Variants in HSF2 observed in about 807,000 individuals in gnomAD.
The protein encoded by HSF2 is heat shock factor protein 2.
Under a neutral mutation model 65.0 loss-of-function variants are expected in HSF2, and 21 were observed. That is an observed-to-expected ratio of 0.32 (90% CI 0.23 to 0.47). The LOEUF (loss-of-function observed/expected upper bound fraction) is 0.47, where lower values mean the gene tolerates loss of function less well. Among genes scored for constraint, HSF2 ranks in the 20% least tolerant of loss-of-function variants. The pLI is 1.00. For synonymous variants in HSF2, 225 were observed against 219.1 expected (o/e 1.03, Z -0.24); for missense variants, 499 against 628.1 (o/e 0.79, Z 2.20).
At chr6:122,429,897 G>A (rs1774424080) in intron 11 of HSF2, among the ~76,000 whole-genome samples, 1 of 152,148 alleles carries the variant, frequency 6.6e-6, no homozygotes, top group South Asian at 2.1e-4. Context: ...ATGTGCTGCT[G>A]GATTCAGTTT....
At chr6:122,411,248 T>C (rs557231064) in intron 1 of HSF2, among the ~76,000 whole-genome samples, 1 of 152,050 alleles carries the variant, frequency 6.6e-6, no homozygotes, top group African/African-American at 2.4e-5. Context: ...GAAGTTTGTA[T>C]ATCTTCTTTG....
At chr6:122,417,835 A>G (rs1026043343) in intron 5 of HSF2, among the ~76,000 whole-genome samples, 1 of 152,200 alleles carries the variant, frequency 6.6e-6, no homozygotes, top group Admixed American at 6.5e-5. Context: ...ACTGAAGTCG[A>G]ATTGTATCAT....
At chr6:122,425,058 A>T (rs1324629260) in intron 10 of HSF2, among the ~76,000 whole-genome samples, 2 of 151,814 alleles carry the variant, frequency 1.3e-5, no homozygotes, top group Non-Finnish European at 2.9e-5. Flanking sequence ...GTGTACCCCT[A>T]TCCTTTGCCT....
At chr6:122,400,434 C>T (rs982534415) in intron 1 of HSF2, among the ~76,000 whole-genome samples, 1 of 152,138 alleles carries the variant, frequency 6.6e-6, no homozygotes, top group Non-Finnish European at 1.5e-5. Flanking sequence ...ACAAATTATT[C>T]TTTTGAGATT....
At position 122,422,973 on chromosome 6, in the gene HSF2, G is replaced by T. The variant is rs1431924103; in HGVS notation, c.1070+16G>T. 2 of 1,612,028 alleles carry T rather than the reference G, an allele frequency of 1.2e-6. No individual in the cohort carries two copies. ...TTTTGGGAAAGTGAGTGCTTATCTA[G>T]ATGTTGTCTAAAATTATTTGCTTTC... On this transcript the variant is annotated intron_variant, in intron 9 of 12. Transcript: ENST00000368455.
In HSF2 at chr6:122,421,950, A is replaced by C. The variant is rs183358883; in HGVS notation, c.682-200A>C. ...AAAGAAGTAGTAAAGTGTAGAATGC[A>C]GTTAATATACCTCATACCTCTGTGA... On this transcript the variant is annotated intron_variant, in intron 7 of 12. Coordinates refer to ENST00000368455, the MANE Select transcript of HSF2 (RefSeq NM_004506.4). Among the ~76,000 whole-genome samples the C allele has an allele frequency of 8.5e-5, 13 of 152,250 alleles. No homozygotes were observed. The East Asian group carries it at 9.7e-4, about 11-fold the overall frequency.
At chr6:122,417,514 G>A (rs1174146147) in intron 5 of HSF2, among the ~76,000 whole-genome samples, 1 of 152,088 alleles carries the variant, frequency 6.6e-6, no homozygotes, top group Non-Finnish European at 1.5e-5. Flanking sequence ...GCTTTGGTGA[G>A]TGGTGTTTAT....
intron 2 of HSF2, 21 bp downstream of exon 2, chr6:122,412,502 A>G: frequency 1.3e-6 from 2 of 1,548,160 alleles, no homozygotes; most frequent in Non-Finnish European, 1.8e-6. Flanking sequence ...ACAGCAGTTT[A>G]TTGGAGTACC....
In HSF2 at chr6:122,428,735, C is replaced by T. The variant is rs888769767; in HGVS notation, c.1230+779C>T. ...TTTTTCTTTATAGTCCAAAAATGAG[C>T]ACATCTCAAATAAATATAAGTGATT... On this transcript the variant is annotated intron_variant, in intron 11 of 12. Transcript: ENST00000368455. Among the ~76,000 whole-genome samples the T allele has an allele frequency of 3.9e-5, 6 of 151,956 alleles. No individual in the cohort carries two copies. The East Asian group carries it at 9.7e-4, about 24-fold the overall frequency.
chr6:122,404,697 A>G (rs928672378), intron 1 of HSF2, among the ~76,000 whole-genome samples: 1 of 152,210 alleles, frequency 6.6e-6, no homozygotes, highest in Non-Finnish European at 1.5e-5. Context: ...CACCTCACTC[A>G]GTAGTAGTTT....
intron 1 of HSF2, among the ~76,000 whole-genome samples, chr6:122,411,268 C>T (rs1219826489): frequency 6.6e-6 from 1 of 151,742 alleles, no homozygotes; most frequent in African/African-American, 2.4e-5. Context: ...GAAGAAATAT[C>T]TACTCACATC....
At chr6:122,418,196 T>C (rs1411568247) in intron 5 of HSF2, among the ~76,000 whole-genome samples, 1 of 152,216 alleles carries the variant, frequency 6.6e-6, no homozygotes, top group Non-Finnish European at 1.5e-5. Flanking sequence ...CTCAGTGATA[T>C]ACTACTTTTT....
At chr6:122,415,728 C>G (rs1272700386) in intron 4 of HSF2, among the ~76,000 whole-genome samples, 1 of 151,862 alleles carries the variant, frequency 6.6e-6, no homozygotes, top group African/African-American at 2.4e-5. Context: ...AGGAATGATT[C>G]TGGTGCTGGG....
At chr6:122,413,470 T>C (rs1277669045) in intron 3 of HSF2, 55 bp from the exon 4 acceptor site, 4 of 1,355,228 alleles carry the variant, frequency 3.0e-6, no homozygotes, top group African/African-American at 1.5e-5. Context: ...AAGCTTTGAA[T>C]TACAATCATG....
intron 7 of HSF2, among the ~76,000 whole-genome samples, chr6:122,420,645 T>TTTA (rs34440341): frequency 1.3e-5 from 2 of 149,020 alleles, no homozygotes; most frequent in Admixed American, 6.7e-5. Flanking sequence ...GGCTTTTTTT[T>TTTA]AACTTGATGT....
At chr6:122,405,355 TC>T (rs1562197311) in intron 1 of HSF2, among the ~76,000 whole-genome samples, 1 of 151,896 alleles carries the variant, frequency 6.6e-6, no homozygotes, top group Non-Finnish European at 1.5e-5. Context: ...AAACTGTGTG[TC>T]GGTTAAGATG....
chr6:122,415,231 T>C (rs1401456476), intron 4 of HSF2, among the ~76,000 whole-genome samples: 1 of 152,230 alleles, frequency 6.6e-6, no homozygotes, highest in African/African-American at 2.4e-5. Flanking sequence ...TTATTGGATA[T>C]GCTTTTTCAG....
chr6:122,402,981 G>A (rs1036714010), intron 1 of HSF2, among the ~76,000 whole-genome samples: 1 of 150,992 alleles, frequency 6.6e-6, no homozygotes, highest in African/African-American at 2.4e-5. Context: ...AGAAGCAGTT[G>A]TTTTGGGAAC....
chr6:122,405,983 T>G (rs1773859834), intron 1 of HSF2, among the ~76,000 whole-genome samples: 1 of 152,094 alleles, frequency 6.6e-6, no homozygotes, highest in African/African-American at 2.4e-5. Flanking sequence ...TGACCACCAT[T>G]AATATCAAGA....
Sources: allele counts gnomAD v4.1 joint callset (sites outside exome capture counted in the v4.1 genomes callset), GRCh38; gene constraint gnomAD v4.1.1; transcripts MANE v1.5; gene names NCBI Gene and HGNC (gene_info 2026-07-23, HGNC 2026-07-21).